TCERG1L: variants seen among roughly 807,000 people sequenced by gnomAD.
The protein encoded by TCERG1L is transcription elongation regulator 1 like.
In TCERG1L, 37 loss-of-function variants were observed where a neutral mutation model predicts 56.3. The ratio of observed to expected loss-of-function variants is 0.66; its 90% CI spans 0.51 to 0.87. TCERG1L has a LOEUF of 0.87. Among genes scored for constraint, TCERG1L ranks in the 40% least tolerant of loss-of-function variants. TCERG1L has a pLI of 0.00. For missense variants in TCERG1L, 799 were observed against 774.2 expected, an observed-to-expected ratio of 1.03 and a Z score of -0.38; for synonymous variants, 324 against 326.3, an observed-to-expected ratio of 0.99 and a Z score of 0.08.
At chr10:131,295,679 A>G (rs1175062400) in intron 3 of TCERG1L, among the ~76,000 whole-genome samples, 2 of 152,232 alleles carry the variant, frequency 1.3e-5, no homozygotes, top group Non-Finnish European at 2.9e-5. Context: ...AGATCAGGAC[A>G]ATGCGCATAT....
chr10:131,165,586 C>T (rs1157844620), intron 5 of TCERG1L, among the ~76,000 whole-genome samples: 1 of 152,100 alleles, frequency 6.6e-6, no homozygotes, highest in Non-Finnish European at 1.5e-5. Flanking sequence ...AAGACTAGAG[C>T]TTATATTAGC....
At chr10:131,251,701 AG>A (rs1165401389) in intron 4 of TCERG1L, among the ~76,000 whole-genome samples, 1 of 152,180 alleles carries the variant, frequency 6.6e-6, no homozygotes, top group East Asian at 1.9e-4. Flanking sequence ...ACCCTCTCCA[AG>A]GTCCCTCAGA....
At chr10:131,299,602 T>C (rs995931257) in intron 3 of TCERG1L, among the ~76,000 whole-genome samples, 2 of 148,362 alleles carry the variant, frequency 1.3e-5, no homozygotes, top group African/African-American at 5.0e-5. Context: ...AGATGTTCCT[T>C]AGATGTCCTC....
intron 4 of TCERG1L, among the ~76,000 whole-genome samples, chr10:131,236,490 G>T (rs749600813): frequency 6.6e-6 from 1 of 152,196 alleles, no homozygotes; most frequent in Non-Finnish European, 1.5e-5. Flanking sequence ...GTGCCCTGTG[G>T]CTACCGCTGC....
intron 4 of TCERG1L, among the ~76,000 whole-genome samples, chr10:131,254,815 A>G (rs1589762908): frequency 6.6e-6 from 1 of 151,828 alleles, no homozygotes; most frequent in Non-Finnish European, 1.5e-5. Context: ...GCAGGGGGTG[A>G]AAAAGGTTTA....
chr10:131,191,864 C>CAAAAAAAAAAAAAA (rs59816491), intron 4 of TCERG1L, among the ~76,000 whole-genome samples: 44 of 28,654 alleles, frequency 1.5e-3, no homozygotes, highest in African/African-American at 2.8e-3. Flanking sequence ...GACTCCGTCT[C>CAAAAAAAAAAAAAA]AAAAAAAAAA....
chr10:131,238,186 C>T (rs192464506), intron 4 of TCERG1L, among the ~76,000 whole-genome samples: 139 of 152,276 alleles, frequency 9.1e-4, no homozygotes, highest in South Asian at 4.4e-3. Context: ...GACCTGGGTC[C>T]GCTCCGGCAG....
chr10:131,106,580 G>A (rs1313760287), intron 9 of TCERG1L, among the ~76,000 whole-genome samples: 1 of 152,178 alleles, frequency 6.6e-6, no homozygotes, highest in Non-Finnish European at 1.5e-5. Flanking sequence ...CAGAGACAGA[G>A]GCTGAAGTGT....
At chr10:131,292,195 G>A (rs957164802) in intron 3 of TCERG1L, among the ~76,000 whole-genome samples, 8 of 152,132 alleles carry the variant, frequency 5.3e-5, no homozygotes, top group Non-Finnish European at 8.8e-5. Flanking sequence ...ACAGTGTGGC[G>A]TTTTTTAGCT....
chr10:131,235,305 A>T (rs1241494012), intron 4 of TCERG1L, among the ~76,000 whole-genome samples: 1 of 152,244 alleles, frequency 6.6e-6, no homozygotes, highest in Non-Finnish European at 1.5e-5. Context: ...GGAAATAGAC[A>T]ACTCTAGAAA....
chr10:131,288,213 TC>T (rs75841913), intron 3 of TCERG1L, among the ~76,000 whole-genome samples: 3,144 of 152,112 alleles, frequency 0.021, 78 homozygotes, highest in East Asian at 0.087. Flanking sequence ...GAAGTGTTTC[TC>T]CCCCCAACTC....
chr10:131,247,066 G>A (rs917185317), intron 4 of TCERG1L, among the ~76,000 whole-genome samples: 1 of 152,160 alleles, frequency 6.6e-6, no homozygotes, highest in Non-Finnish European at 1.5e-5. Context: ...GTAGGGAGGG[G>A]AGTATGCCAG....
intron 8 of TCERG1L, among the ~76,000 whole-genome samples, chr10:131,133,881 C>T (rs1845646768): frequency 6.6e-6 from 1 of 152,238 alleles, no homozygotes; most frequent in Non-Finnish European, 1.5e-5. Flanking sequence ...CAGGCATCAT[C>T]TCCTCCACCT....
intron 4 of TCERG1L, among the ~76,000 whole-genome samples, chr10:131,251,938 G>C (rs114888996): frequency 1.4e-3 from 216 of 152,230 alleles, no homozygotes; most frequent in African/African-American, 5.0e-3. Context: ...ATGACTTTCT[G>C]TTCCTCTTCC....
chr10:131,219,453 C>T (rs1285968644), intron 4 of TCERG1L, among the ~76,000 whole-genome samples: 3 of 152,204 alleles, frequency 2.0e-5, no homozygotes, highest in Non-Finnish European at 4.4e-5. Context: ...GGATGCCAGG[C>T]TGTGGGTGGA....
In TCERG1L at chr10:131,226,785, C is replaced by T. The variant is rs1448909290; in HGVS notation, c.856+33474G>A. Among the ~76,000 whole-genome samples the T allele has an allele frequency of 2.6e-5, 4 of 152,262 alleles. No individual in the cohort carries two copies. In the South Asian group the frequency reaches 6.2e-4, roughly 24 times the overall value. On this transcript the variant is annotated intron_variant, in intron 4 of 11. Coordinates refer to ENST00000368642, the MANE Select transcript of TCERG1L (RefSeq NM_174937.4). ...AAAACTGGGTTCATTTGGAACAAAA[C>T]GGGATCCTGTTCTTGCCTGGGGGCA...
In TCERG1L at chr10:131,270,653, G is replaced by A. The variant is rs147576152; in HGVS notation, c.671-10209C>T. ...TGCTGCCGTTGCTGGCGTTTGCATTGTTATTGCCACTCCTACCTTCTTCTC... is the reference window on the plus strand; with the variant it reads ...TGCTGCCGTTGCTGGCGTTTGCATTATTATTGCCACTCCTACCTTCTTCTC... On this transcript the variant is annotated intron_variant, in intron 3 of 11. Transcript: ENST00000368642. Among the ~76,000 whole-genome samples the A allele has an allele frequency of 5.7e-4, 87 of 152,328 alleles. 1 individual carries two copies. The East Asian group carries it at 0.012, about 21-fold the overall frequency.
At chr10:131,270,861 G>A (rs1846332567) in intron 3 of TCERG1L, among the ~76,000 whole-genome samples, 1 of 152,194 alleles carries the variant, frequency 6.6e-6, no homozygotes, top group Non-Finnish European at 1.5e-5. Flanking sequence ...CTGTTCCAGT[G>A]TATCTGGCCT....
intron 8 of TCERG1L, among the ~76,000 whole-genome samples, chr10:131,122,512 G>A (rs902524447): frequency 1.3e-5 from 2 of 152,176 alleles, no homozygotes; most frequent in Non-Finnish European, 2.9e-5. Context: ...TCAGGATTGC[G>A]CTGGTTGGTG....
Sources: allele counts gnomAD v4.1 joint callset (sites outside exome capture counted in the v4.1 genomes callset), GRCh38; gene constraint gnomAD v4.1.1; transcripts MANE v1.5; gene names NCBI Gene and HGNC (gene_info 2026-07-23, HGNC 2026-07-21).